IP6K1: variants seen among roughly 807,000 people sequenced by gnomAD.
IP6K1 encodes the protein inositol hexakisphosphate kinase 1, also known as ATP:1D-myo-inositol-hexakisphosphate phosphotransferase.
A neutral mutation model predicts 38.3 loss-of-function variants in IP6K1; 13 were observed. The observed-to-expected ratio is 0.34, with a 90% CI of 0.22 to 0.54. The LOEUF (loss-of-function observed/expected upper bound fraction) is 0.54, where lower values mean the gene tolerates loss of function less well. Ranked by LOEUF, IP6K1 falls within the 20% of genes least tolerant of loss-of-function variation. The pLI, the probability that IP6K1 is intolerant of heterozygous loss-of-function variation, is 0.92. For synonymous variants in IP6K1, 212 were observed against 229.9 expected (o/e 0.92, Z 0.70); for missense variants, 397 against 599.8 (o/e 0.66, Z 3.53).
At chr3:49,781,591 G>A (rs2108266160) in intron 1 of IP6K1, among the ~76,000 whole-genome samples, 1 of 152,310 alleles carries the variant, frequency 6.6e-6, no homozygotes, top group East Asian at 1.9e-4. Context: ...GAGAGGATTT[G>A]TGCAGAGAAA....
At position 49,749,969 on chromosome 3, in the gene IP6K1, T is replaced by C. The variant is rs114432994; in HGVS notation, c.-128-1801A>G. Among the ~76,000 whole-genome samples the C allele has an allele frequency of 2.8e-3, 419 of 152,116 alleles. 5 individuals carry two copies. The highest frequency in any genetic ancestry group is 9.6e-3 in the African/African-American group (399 of 41,504). Reference sequence around the variant, plus strand: ...ACTCCATTCTCTCCAAACCTGAGTATAGTGCACACATCTATGACTCCTAAG... The same window carrying C: ...ACTCCATTCTCTCCAAACCTGAGTACAGTGCACACATCTATGACTCCTAAG... On this transcript the variant is annotated intron_variant, in intron 1 of 5. Transcript: ENST00000321599.
At chr3:49,729,345 T>C (rs2080543245) in intron 4 of IP6K1, among the ~76,000 whole-genome samples, 1 of 152,134 alleles carries the variant, frequency 6.6e-6, no homozygotes, top group Admixed American at 6.6e-5. Context: ...TTTTTTGTTG[T>C]TGTTTTTTGG....
Position 49,762,705 on chromosome 3 carries a change from A to G in IP6K1, c.-128-14537T>C, listed in dbSNP as rs1256368265. Among the ~76,000 whole-genome samples the G allele has an allele frequency of 4.6e-5, 7 of 152,158 alleles. No homozygotes were observed. The East Asian group carries it at 1.3e-3, about 29-fold the overall frequency. ...TTTAAGAAAGAAATATCAATCTTAC[A>G]TAATTTTTTTTCAGAAAACAGAAAG... is the stretch of plus-strand genomic sequence containing the variant. On this transcript the variant is annotated intron_variant, in intron 1 of 5. Transcript: ENST00000321599.
chr3:49,762,542 T>A (rs571690207), intron 1 of IP6K1, among the ~76,000 whole-genome samples: 1 of 151,864 alleles, frequency 6.6e-6, no homozygotes, highest in Non-Finnish European at 1.5e-5. Flanking sequence ...AGAGCGAGAC[T>A]CTGTCTCAAA....
chr3:49,761,060 A>G (rs987883845), intron 1 of IP6K1, among the ~76,000 whole-genome samples: 9 of 152,220 alleles, frequency 5.9e-5, no homozygotes, highest in Non-Finnish European at 1.2e-4. Context: ...TCACACCTGT[A>G]ATCCCAGCAC....
intron 1 of IP6K1, among the ~76,000 whole-genome samples, chr3:49,776,519 TA>T (rs36035503): frequency 2.9e-4 from 41 of 142,604 alleles, no homozygotes; most frequent in Admixed American, 2.8e-4. Context: ...TCAGTCTCAG[TA>T]AAAAAAAAAA....
intron 1 of IP6K1, chr3:49,775,686 G>A (rs200980157): frequency 1.9e-5 from 9 of 476,142 alleles, no homozygotes; most frequent in East Asian, 8.7e-5. Flanking sequence ...TGCTACTCCC[G>A]GCAGAAAGGG....
intron 1 of IP6K1, among the ~76,000 whole-genome samples, chr3:49,768,310 G>T (rs1338371292): frequency 6.6e-6 from 1 of 152,130 alleles, no homozygotes. Flanking sequence ...CAGATAAATG[G>T]ATAAAGATAT....
intron 1 of IP6K1, among the ~76,000 whole-genome samples, chr3:49,778,373 C>T (rs1016716959): frequency 2.0e-5 from 3 of 151,310 alleles, no homozygotes; most frequent in Non-Finnish European, 4.4e-5. Flanking sequence ...TGGCTCATGC[C>T]TGTAATCCCG....
At chr3:49,739,921 A>G (rs1194032822) in intron 2 of IP6K1, among the ~76,000 whole-genome samples, 1 of 152,144 alleles carries the variant, frequency 6.6e-6, no homozygotes, top group Non-Finnish European at 1.5e-5. Flanking sequence ...AGGCTGAGGC[A>G]GGAGAATCAC....
At chr3:49,734,394 CTTTTTTTT>C (rs71735078) in intron 3 of IP6K1, among the ~76,000 whole-genome samples, 3 of 87,286 alleles carry the variant, frequency 3.4e-5, no homozygotes, top group Admixed American at 1.4e-4. Flanking sequence ...ACCGTAATTT[CTTTTTTTT>C]TTTTTTTTTT....
intron 2 of IP6K1, among the ~76,000 whole-genome samples, chr3:49,745,268 G>C (rs1427109415): frequency 6.6e-6 from 1 of 152,198 alleles, no homozygotes; most frequent in Non-Finnish European, 1.5e-5. Flanking sequence ...GAAGTGTCTG[G>C]GGAGACCTAA....
intron 1 of IP6K1, among the ~76,000 whole-genome samples, chr3:49,752,917 G>A (rs1268235693): frequency 6.6e-6 from 1 of 151,248 alleles, no homozygotes; most frequent in Non-Finnish European, 1.5e-5. Context: ...ACCATGCCCA[G>A]CTAATTTTAT....
At position 49,778,043 on chromosome 3, in the gene IP6K1, C is replaced by T. The variant is rs569687782; in HGVS notation, c.-129+8311G>A. The stretch of plus-strand genomic sequence containing the variant: ...TTTTTTTTTTTAAGACGGGGTCTCT[C>T]AGCTGGGTGTGGTGGCTCACACCTG... On this transcript the variant is annotated intron_variant, in intron 1 of 5. Transcript: ENST00000321599. Among the ~76,000 whole-genome samples, 3 of 150,056 alleles carry T rather than the reference C, an allele frequency of 2.0e-5. No homozygotes were observed. The South Asian group carries it at 6.3e-4, about 32-fold the overall frequency.
intron 1 of IP6K1, among the ~76,000 whole-genome samples, chr3:49,763,375 G>A (rs1036766520): frequency 6.6e-6 from 1 of 151,878 alleles, no homozygotes; most frequent in Non-Finnish European, 1.5e-5. Flanking sequence ...AAAGTGCTGG[G>A]ATTACAGGTA....
chr3:49,772,330 T>TA (rs1418720458), intron 1 of IP6K1, among the ~76,000 whole-genome samples: 1 of 147,612 alleles, frequency 6.8e-6, no homozygotes, highest in Non-Finnish European at 1.5e-5. Context: ...ATATAATATA[T>TA]AGGAAGACTA....
At chr3:49,753,898 A>G (rs1023087927) in intron 1 of IP6K1, among the ~76,000 whole-genome samples, 10 of 152,234 alleles carry the variant, frequency 6.6e-5, no homozygotes, top group East Asian at 1.9e-4. Flanking sequence ...AAGGAAAAAT[A>G]GGTTTAAATG....
At chr3:49,735,074 A>G (rs752849484) in intron 3 of IP6K1, among the ~76,000 whole-genome samples, 3 of 152,170 alleles carry the variant, frequency 2.0e-5, no homozygotes, top group Non-Finnish European at 4.4e-5. Flanking sequence ...CCCACTCTAG[A>G]CTGGGCGCAG....
chr3:49,783,686 C>T (rs2081087431), intron 1 of IP6K1, among the ~76,000 whole-genome samples: 1 of 148,226 alleles, frequency 6.7e-6, no homozygotes, highest in South Asian at 2.1e-4. Flanking sequence ...GCACTCCAGC[C>T]AGCGCAACCG....
Sources: gnomAD v4.1 joint callset for allele counts (sites outside exome capture counted in the v4.1 genomes callset) on GRCh38, gnomAD v4.1.1 for gene constraint, MANE v1.5 for transcripts, NCBI Gene and HGNC (gene_info 2026-07-23, HGNC 2026-07-21) for gene names.